The following PRKD1 variants were observed in gnomAD, a reference collection of about 807,000 sequenced individuals.
PRKD1 encodes serine/threonine-protein kinase D1.
In PRKD1, 63 loss-of-function variants were observed where a neutral mutation model predicts 95.9. The ratio of observed to expected loss-of-function variants is 0.66; its 90% CI spans 0.54 to 0.81. The LOEUF (loss-of-function observed/expected upper bound fraction) is 0.81. Ranked by LOEUF, PRKD1 falls within the 30% of genes least tolerant of loss-of-function variation. PRKD1 has a pLI of 0.00. For synonymous variants in PRKD1, 425 were observed against 423.1 expected (o/e 1.00, Z -0.05); for missense variants, 1,048 against 1,165.3 (o/e 0.90, Z 1.47).
intron 1 of PRKD1, among the ~76,000 whole-genome samples, chr14:29,726,713 C>G (rs1024036492): frequency 6.6e-6 from 1 of 151,618 alleles, no homozygotes; most frequent in African/African-American, 2.4e-5. Context: ...ATAATGAGAA[C>G]ATCTTATTGC....
Position 29,676,177 on chromosome 14 carries a change from G to GTTTTTTTTTTTTTTTTTTT in PRKD1, c.404-9970_404-9969insAAAAAAAAAAAAAAAAAAA, listed in dbSNP as rs147308040. On this transcript the variant is annotated intron_variant, in intron 2 of 17. Transcript: ENST00000331968. Reference sequence around the variant, plus strand: ...GCTGTAGGCATGCATAGTTCATTACGTTTTTGTTTTTTTTTTTTTTTTTTT... The same window carrying GTTTTTTTTTTTTTTTTTTT: ...GCTGTAGGCATGCATAGTTCATTACGTTTTTTTTTTTTTTTTTTTTTTTTGTTTTTTTTTTTTTTTTTTT... 9.2e-4 allele frequency among the ~76,000 whole-genome samples: 96 copies of GTTTTTTTTTTTTTTTTTTT among 104,690 alleles called. 2 individuals carry two copies. The highest frequency in any genetic ancestry group is 1.8e-3 in the African/African-American group (44 of 23,858). The allele number at this position is 104,690 out of a possible 152,430, so 68.7% of individuals were successfully genotyped here.
At chr14:29,782,643 G>A (rs921232969) in intron 1 of PRKD1, among the ~76,000 whole-genome samples, 23 of 152,046 alleles carry the variant, frequency 1.5e-4, no homozygotes, top group East Asian at 7.7e-4. Context: ...AGTTCTTCCC[G>A]CCTCAACCTC....
At chr14:29,868,550 C>A (rs1033165105) in intron 1 of PRKD1, among the ~76,000 whole-genome samples, 3 of 152,068 alleles carry the variant, frequency 2.0e-5, no homozygotes, top group Non-Finnish European at 4.4e-5. Context: ...CTGAATCTTA[C>A]CTTCACTGCA....
intron 1 of PRKD1, among the ~76,000 whole-genome samples, chr14:29,915,030 C>T (rs1241453952): frequency 6.6e-6 from 1 of 152,142 alleles, no homozygotes; most frequent in African/African-American, 2.4e-5. Flanking sequence ...GCCTGAAAGG[C>T]ACTTTTCTTA....
chr14:29,720,779 CAAA>C, intron 2 of PRKD1, among the ~76,000 whole-genome samples: 1 of 146,782 alleles, frequency 6.8e-6, no homozygotes, highest in East Asian at 2.0e-4. Context: ...GATTCTGTCT[CAAA>C]AAAAATAAAT....
chr14:29,910,538 G>A (rs2139445476), intron 1 of PRKD1, among the ~76,000 whole-genome samples: 1 of 152,202 alleles, frequency 6.6e-6, no homozygotes, highest in East Asian at 1.9e-4. Flanking sequence ...ATATCTATAA[G>A]AATTAATGTA....
intron 1 of PRKD1, among the ~76,000 whole-genome samples, chr14:29,725,965 T>C (rs1886121106): frequency 6.6e-6 from 1 of 152,122 alleles, no homozygotes; most frequent in African/African-American, 2.4e-5. Context: ...GTTCTGGCAG[T>C]AAAGTGGTTA....
rs1159405266 is a variant in PRKD1, at chr14:29,634,544, T to A, written c.1191-3A>T. On this transcript the variant is annotated splice_region_variant and splice_polypyrimidine_tract_variant and intron_variant, in intron 7 of 17. Transcript: ENST00000331968. ...GGATATTGTTGCTTGTTGATGGACT[T>A]GAGAAGTCAAAATATTGTAGGGAAA... The A allele has an allele frequency of 6.2e-7, 1 of 1,613,976 alleles. No individual in the cohort carries two copies. Among genetic ancestry groups the A allele is most frequent in the East Asian group, 2.2e-5 (1 of 44,864 alleles).
intron 4 of PRKD1, among the ~76,000 whole-genome samples, chr14:29,661,419 C>A (rs565696976): frequency 1.3e-5 from 2 of 152,226 alleles, no homozygotes; most frequent in East Asian, 1.9e-4. Context: ...CCCACTATAA[C>A]TTTTAAACTA....
chr14:29,882,331 T>G (rs576183001), intron 1 of PRKD1, among the ~76,000 whole-genome samples: 1 of 152,224 alleles, frequency 6.6e-6, no homozygotes, highest in South Asian at 2.1e-4. Flanking sequence ...ACCAATGTTG[T>G]CTAATATATT....
chr14:29,871,827 C>A (rs1317755623), intron 1 of PRKD1, among the ~76,000 whole-genome samples: 2 of 152,092 alleles, frequency 1.3e-5, no homozygotes, highest in Non-Finnish European at 2.9e-5. Flanking sequence ...AACCTACTTT[C>A]CAAAAGAGAC....
intron 13 of PRKD1, among the ~76,000 whole-genome samples, chr14:29,603,242 T>C (rs923271261): frequency 1.3e-5 from 2 of 152,212 alleles, no homozygotes; most frequent in African/African-American, 4.8e-5. Flanking sequence ...AGCGAAGTGA[T>C]TTTGCTTTAT....
intron 2 of PRKD1, among the ~76,000 whole-genome samples, chr14:29,675,967 C>T (rs1162486586): frequency 4.3e-4 from 47 of 109,582 alleles, no homozygotes; most frequent in Admixed American, 3.8e-3. Context: ...CATCACACAT[C>T]GGGGCCTGTC....
intron 2 of PRKD1, among the ~76,000 whole-genome samples, chr14:29,670,785 A>C (rs1882794168): frequency 6.6e-6 from 1 of 152,200 alleles, no homozygotes; most frequent in East Asian, 1.9e-4. Context: ...AGCCAGTTTT[A>C]GATCAGATTC....
At chr14:29,863,299 G>T (rs1892772474) in intron 1 of PRKD1, among the ~76,000 whole-genome samples, 1 of 152,018 alleles carries the variant, frequency 6.6e-6, no homozygotes, top group South Asian at 2.1e-4. Context: ...ATTACTCATA[G>T]ATTAAGGCAA....
chr14:29,704,408 C>T (rs934453316), intron 2 of PRKD1, among the ~76,000 whole-genome samples: 4 of 152,150 alleles, frequency 2.6e-5, no homozygotes, highest in African/African-American at 9.7e-5. Context: ...ATCTCTTTAT[C>T]ATTCTTGCCA....
At chr14:29,715,939 C>T (rs576026639) in intron 2 of PRKD1, among the ~76,000 whole-genome samples, 50 of 152,202 alleles carry the variant, frequency 3.3e-4, no homozygotes, top group African/African-American at 1.1e-3. Context: ...CAAGCTAATG[C>T]CTTACTATAT....
At chr14:29,805,585 A>G (rs1406377731) in intron 1 of PRKD1, among the ~76,000 whole-genome samples, 3 of 152,236 alleles carry the variant, frequency 2.0e-5, no homozygotes, top group African/African-American at 7.2e-5. Context: ...TTCTAAATCC[A>G]CAATGTAGAA....
intron 1 of PRKD1, among the ~76,000 whole-genome samples, chr14:29,820,152 C>G (rs1343938584): frequency 6.6e-6 from 1 of 152,190 alleles, no homozygotes; most frequent in Non-Finnish European, 1.5e-5. Context: ...CATATTACCC[C>G]TGGAAATAAG....
Sources: gnomAD v4.1 joint callset for allele counts (sites outside exome capture counted in the v4.1 genomes callset) on GRCh38, gnomAD v4.1.1 for gene constraint, MANE v1.5 for transcripts, NCBI Gene and HGNC (gene_info 2026-07-23, HGNC 2026-07-21) for gene names.